Variants in TSPEAR observed in about 807,000 individuals in gnomAD.
The protein encoded by TSPEAR is thrombospondin type laminin G domain and EAR repeats.
A neutral mutation model predicts 71.6 loss-of-function variants in TSPEAR; 69 were observed. That is an observed-to-expected ratio of 0.96 (90% CI 0.79 to 1.18). TSPEAR has a LOEUF of 1.18. Ranked by LOEUF, TSPEAR falls within the 50% of genes most tolerant of loss-of-function variation. TSPEAR has a pLI of 0.00. For synonymous variants in TSPEAR, 402 were observed against 387.2 expected, an observed-to-expected ratio of 1.04 and a Z score of -0.45; for missense variants, 971 against 894.9, an observed-to-expected ratio of 1.09 and a Z score of -1.09.
At chr21:44,643,492 A>C (rs1373905415) in intron 1 of TSPEAR, among the ~76,000 whole-genome samples, 2 of 152,262 alleles carry the variant, frequency 1.3e-5, no homozygotes, top group Non-Finnish European at 2.9e-5. Flanking sequence ...CACAATGTGT[A>C]CATGTATCAA....
intron 1 of TSPEAR, chr21:44,654,614 T>C: frequency 6.5e-6 from 10 of 1,550,028 alleles, no homozygotes; most frequent in Middle Eastern, 2.1e-4. Context: ...GTGTGGCACA[T>C]GATGGAGTGT....
rs11910302 is a variant in TSPEAR, at chr21:44,530,919, C to T, written c.633+124G>A. The T allele has an allele frequency of 0.013, 10,146 of 792,382 alleles. 708 individuals are homozygous for T. In the African/African-American group the frequency reaches 0.15, roughly 12 times the overall value. The allele number at this position is 792,382 out of a possible 1,614,324, so 49.1% of individuals were successfully genotyped here. A position where few individuals can be genotyped will look rare whatever the true frequency, so the allele number is the denominator to read the frequency against. ...GGCCCTGTGGTAGAGACTCCACGCA[C>T]GCTGTACCTTCTTTTCCCAGTTAGC... On this transcript the variant is annotated intron_variant, in intron 4 of 11. Coordinates refer to ENST00000323084, the MANE Select transcript of TSPEAR (RefSeq NM_144991.3).
In TSPEAR at chr21:44,509,240, G is replaced by A. The variant is rs782303161; in HGVS notation, c.1713C>T (p.Thr571=). 1.3e-5 allele frequency: 21 copies of A among 1,613,876 alleles called. No individual in the cohort carries two copies. The African/African-American group carries it at 1.7e-4, about 13-fold the overall frequency. The change falls in exon 10 of 12, where the codon ACC becomes ACT. Residue 571 remains threonine, a synonymous_variant. Coordinates refer to ENST00000323084, the MANE Select transcript of TSPEAR (RefSeq NM_144991.3). ...CCTGGAACTTGACAAAGGCCTGCGC[G>A]GTCACGTTCAGCTCGTAGATGACGG... ...INSVIYELNV[T]AQAFVKFQDI...
At chr21:44,542,092 T>C (rs1332252417) in intron 2 of TSPEAR, among the ~76,000 whole-genome samples, 1 of 152,126 alleles carries the variant, frequency 6.6e-6, no homozygotes, top group African/African-American at 2.4e-5. Context: ...AGAGAACAAA[T>C]GGAGAATTTC....
intron 1 of TSPEAR, chr21:44,601,112 T>C: frequency 6.2e-7 from 1 of 1,607,858 alleles, no homozygotes; most frequent in Non-Finnish European, 8.5e-7. Context: ...TGCAAGCCTG[T>C]CTGCTCTGGG....
rs587679718 is a variant in TSPEAR, at chr21:44,648,744, C to T, written c.82+62689G>A. On this transcript the variant is annotated intron_variant, in intron 1 of 11. Transcript: ENST00000323084. ...AGACTTTCAGCCTCCCGATGGCTCC[C>T]GAGGGGAAAGGCAGGGACAGCCATG... Among the ~76,000 whole-genome samples, 10 of 152,254 alleles carry T rather than the reference C, an allele frequency of 6.6e-5. No homozygotes were observed. In the East Asian group the frequency reaches 1.4e-3, roughly 21 times the overall value.
At chr21:44,587,052 G>T (rs1479353950) in intron 1 of TSPEAR, among the ~76,000 whole-genome samples, 1 of 152,150 alleles carries the variant, frequency 6.6e-6, no homozygotes, top group Non-Finnish European at 1.5e-5. Context: ...AATCAGACAA[G>T]AGAAAGAAAT....
rs587670233 is a variant in TSPEAR, at chr21:44,622,457, C to T, written c.83-54452G>A. 4.8e-4 allele frequency among the ~76,000 whole-genome samples: 73 copies of T among 152,278 alleles called. 1 individual carries two copies. The South Asian group carries it at 7.7e-3, about 16-fold the overall frequency. On this transcript the variant is annotated intron_variant, in intron 1 of 11. Coordinates refer to ENST00000323084, the MANE Select transcript of TSPEAR (RefSeq NM_144991.3). The stretch of plus-strand genomic sequence containing the variant: ...TTATAAGAGTGGAAATTTATTATCT[C>T]GCAGTTCTTAGGGCCAGGCACCTGA...
rs2051963423 is a variant in TSPEAR, at chr21:44,498,020, A to C, written c.*1763T>G. The C allele has an allele frequency of 6.6e-6, 1 of 152,234 alleles. No homozygotes were observed. Among genetic ancestry groups the C allele is most frequent in the Admixed American group, 6.5e-5 (1 of 15,282 alleles). The allele number at this position is 152,234 out of a possible 1,614,324, so 9.4% of individuals were successfully genotyped here. A position where few individuals can be genotyped will look rare whatever the true frequency, so the allele number is the denominator to read the frequency against. On this transcript the variant is annotated 3_prime_UTR_variant, in exon 12 of 12. Transcript: ENST00000323084. ...AAAGCCGGCTGGAGGGGGCAGAGGG[A>C]GGAGGGTGTGGTCACATGACTGATT...
intron 2 of TSPEAR, among the ~76,000 whole-genome samples, chr21:44,549,879 G>C (rs2053373009): frequency 6.6e-6 from 1 of 152,240 alleles, no homozygotes; most frequent in Admixed American, 6.5e-5. Flanking sequence ...CCAGCTGTAA[G>C]CCTGGTGCAG....
chr21:44,627,648 CTATTCAT>C (rs1372776102), intron 1 of TSPEAR: 9 of 1,611,476 alleles, frequency 5.6e-6, no homozygotes, highest in Non-Finnish European at 6.8e-6. Context: ...CTGAGGATTC[CTATTCAT>C]GCTGCCAACA....
chr21:44,597,231 G>A (rs1555927715), intron 1 of TSPEAR, among the ~76,000 whole-genome samples: 2 of 151,822 alleles, frequency 1.3e-5, no homozygotes, highest in African/African-American at 2.4e-5. Context: ...TTAGATACAT[G>A]CAGATTTAGA....
At chr21:44,543,594 T>G (rs2053255978) in intron 2 of TSPEAR, among the ~76,000 whole-genome samples, 1 of 152,192 alleles carries the variant, frequency 6.6e-6, no homozygotes, top group African/African-American at 2.4e-5. Context: ...TAGTGAACCT[T>G]AAATCCAATG....
chr21:44,529,966 G>C lies in TSPEAR; in HGVS notation c.634-12C>G. On this transcript the variant is annotated splice_polypyrimidine_tract_variant and intron_variant, in intron 4 of 11. Coordinates refer to ENST00000323084, the MANE Select transcript of TSPEAR (RefSeq NM_144991.3). ...TGCCTCACCAGTCCCTGCAGAGAGA[G>C]GGACAGCTCCTTCAGGCCCGCGCTG... 1 of 1,578,272 alleles carries C rather than the reference G, an allele frequency of 6.3e-7. No homozygotes were observed. The highest frequency in any genetic ancestry group is 1.2e-5 in the South Asian group (1 of 86,810).
At chr21:44,626,799 A>G (rs762436) in intron 1 of TSPEAR, among the ~76,000 whole-genome samples, 21,710 of 152,004 alleles carry the variant, frequency 0.14, 2,995 homozygotes, top group African/African-American at 0.36. Flanking sequence ...CAGCAACCAA[A>G]GATGGCCCCA....
At chr21:44,678,144 G>T in intron 1 of TSPEAR, 2 of 580,044 alleles carry the variant, frequency 3.4e-6, no homozygotes, top group Non-Finnish European at 6.3e-6. Flanking sequence ...GCACGAGTAA[G>T]TGGAGGCATG....
At position 44,695,380 on chromosome 21, in the gene TSPEAR, C is replaced by T. The variant is rs547269071; in HGVS notation, c.82+16053G>A. Among the ~76,000 whole-genome samples the T allele has an allele frequency of 2.0e-5, 3 of 152,224 alleles. No homozygotes were observed. Among genetic ancestry groups the T allele is most frequent in the South Asian group, 2.1e-4 (1 of 4,824 alleles). ...CTTCTCAGACCTTCTACTGAGAGGT[C>T]GGGGGTCGGGTCATGACACACAGCA... On this transcript the variant is annotated intron_variant, in intron 1 of 11. Coordinates refer to ENST00000323084, the MANE Select transcript of TSPEAR (RefSeq NM_144991.3). The surrounding 1 kb of genome is among the most constrained non-coding windows in gnomAD (Gnocchi z 4.5).
chr21:44,652,841 C>A (rs1048531588), intron 1 of TSPEAR, among the ~76,000 whole-genome samples: 19 of 152,162 alleles, frequency 1.2e-4, no homozygotes, highest in Middle Eastern at 6.8e-3. Context: ...GAATCATCAA[C>A]CTGCAAATAT....
At chr21:44,658,163 C>A (rs781873473) in intron 1 of TSPEAR, 1 of 1,614,142 alleles carries the variant, frequency 6.2e-7, no homozygotes, top group South Asian at 1.1e-5. Context: ...GAGCTGCAGG[C>A]CCATCATATA....
Sources: allele counts gnomAD v4.1 joint callset (sites outside exome capture counted in the v4.1 genomes callset), GRCh38; gene constraint gnomAD v4.1.1; non-coding constraint Gnocchi (gnomAD v3.1); transcripts MANE v1.5; gene names NCBI Gene and HGNC (gene_info 2026-07-23, HGNC 2026-07-21).